CFAP20DC: variants seen among roughly 807,000 people sequenced by gnomAD.
The protein encoded by CFAP20DC is CFAP20 domain containing.
CFAP20DC carries 84 observed loss-of-function variants against 101.7 expected under a neutral mutation model. The observed-to-expected ratio is 0.83, with a 90% CI of 0.69 to 0.99. The LOEUF is 0.99. CFAP20DC is among the 50% of genes least tolerant of loss of function. The probability of loss-of-function intolerance (pLI) is 0.00; values close to 1 mark genes in which losing one functional copy is unlikely to be tolerated. For missense variants in CFAP20DC, 1,007 were observed against 970.3 expected, an observed-to-expected ratio of 1.04 and a Z score of -0.50; for synonymous variants, 359 against 351.2, an observed-to-expected ratio of 1.02 and a Z score of -0.25.
At chr3:58,816,738 T>G (rs1374471949) in intron 14 of CFAP20DC, among the ~76,000 whole-genome samples, 1 of 152,170 alleles carries the variant, frequency 6.6e-6, no homozygotes. Context: ...TGCCCAGGCT[T>G]GCTTAGGTAA....
At chr3:58,746,540 G>C (rs554068358) in intron 16 of CFAP20DC, among the ~76,000 whole-genome samples, 2 of 152,284 alleles carry the variant, frequency 1.3e-5, no homozygotes, top group Non-Finnish European at 2.9e-5. Context: ...TCACCCATTT[G>C]CAAAGGGATC....
At chr3:58,798,012 C>T (rs2073385790) in intron 15 of CFAP20DC, among the ~76,000 whole-genome samples, 1 of 152,176 alleles carries the variant, frequency 6.6e-6, no homozygotes, top group Non-Finnish European at 1.5e-5. Context: ...ATTGGCAATG[C>T]ACCTGGTCAC....
intron 7 of CFAP20DC, among the ~76,000 whole-genome samples, chr3:58,876,147 A>G (rs945644169): frequency 3.9e-5 from 6 of 152,194 alleles, no homozygotes; most frequent in Non-Finnish European, 8.8e-5. Context: ...ACTATTTAGT[A>G]TCTCTTTAAT....
intron 3 of CFAP20DC, chr3:58,727,041 G>A: frequency 4.0e-6 from 1 of 249,778 alleles, no homozygotes; most frequent in Non-Finnish European, 7.9e-6. Flanking sequence ...GAAAAGATGA[G>A]AAGGACCCAT....
rs554058569 is a variant in CFAP20DC, at chr3:58,961,001, A to C, written c.279-23239T>G. On this transcript the variant is annotated intron_variant, in intron 4 of 16. Transcript: ENST00000482387. ...TTTATCTGTCCCTATTATGGTGATTATGTGTTTCTTGTTCTTCATTCTACT... is the reference window on the plus strand; with the variant it reads ...TTTATCTGTCCCTATTATGGTGATTCTGTGTTTCTTGTTCTTCATTCTACT... Among the ~76,000 whole-genome samples the C allele has an allele frequency of 8.7e-4, 133 of 152,212 alleles. 1 individual carries two copies. Among genetic ancestry groups the C allele is most frequent in the African/African-American group, 3.0e-3 (126 of 41,526 alleles).
At position 58,807,727 on chromosome 3, in the gene CFAP20DC, G is replaced by A. The variant is rs551257805; in HGVS notation, c.2176-1271C>T. The stretch of plus-strand genomic sequence containing the variant: ...AAGCTGGATGGAGAATGACTTTGAC[G>A]AGTTGCGAGAAGAAGGCTTCAGATG... On this transcript the variant is annotated intron_variant, in intron 14 of 16. Transcript: ENST00000482387. Among the ~76,000 whole-genome samples, 38 of 152,348 alleles carry A rather than the reference G, an allele frequency of 2.5e-4. 1 individual carries two copies. In the East Asian group the frequency reaches 4.1e-3, roughly 16 times the overall value.
intron 14 of CFAP20DC, among the ~76,000 whole-genome samples, chr3:58,818,310 T>C (rs1399898842): frequency 6.7e-6 from 1 of 148,314 alleles, no homozygotes; most frequent in African/African-American, 2.5e-5. Flanking sequence ...TAAATGTAAA[T>C]GGACTAAATG....
chr3:58,915,800 C>T (rs766974088), intron 5 of CFAP20DC, among the ~76,000 whole-genome samples: 1 of 152,098 alleles, frequency 6.6e-6, no homozygotes, highest in Non-Finnish European at 1.5e-5. Context: ...TCACCCTACC[C>T]CTCATCTAAT....
chr3:58,825,861 C>T (rs1167281686), intron 14 of CFAP20DC, among the ~76,000 whole-genome samples: 1 of 152,166 alleles, frequency 6.6e-6, no homozygotes, highest in East Asian at 1.9e-4. Context: ...GAGATGCCTA[C>T]AAAAGCCAAT....
At chr3:59,008,910 T>C (rs2093511019) in intron 4 of CFAP20DC, among the ~76,000 whole-genome samples, 1 of 151,474 alleles carries the variant, frequency 6.6e-6, no homozygotes, top group East Asian at 1.9e-4. Flanking sequence ...AAATAAAGTG[T>C]ACACCATGAG....
At position 58,863,632 on chromosome 3, in the gene CFAP20DC, T is replaced by C. The variant is rs144152554; in HGVS notation, c.1519A>G (p.Lys507Glu). Residue 507 changes from lysine (K) to glutamate (E), a missense_variant, in exon 12 of 17, where the codon AAA becomes GAA. Lys to Glu is a moderately conservative substitution (Grantham distance 56). Transcript: ENST00000482387. The surrounding 1 kb of genome is among the most constrained non-coding windows in gnomAD (Gnocchi z 5.9). The part of the protein sequence containing the change: ...PEELSFILDL[K>E]EDNSVTSRDT... ...CTGCTTGTCACACTGTTATCCTCTT[T>C]TAGATCCAAAATAAATGAGAGCTCC... 9.3e-6 allele frequency: 15 copies of C among 1,614,028 alleles called. No homozygotes were observed. In the African/African-American group the frequency reaches 1.9e-4, roughly 20 times the overall value.
chr3:58,780,848 C>T lies in CFAP20DC; in HGVS notation c.2237+25547G>A, dbSNP rs1205538452. 2.0e-5 allele frequency among the ~76,000 whole-genome samples: 3 copies of T among 152,028 alleles called. No homozygotes were observed. In the East Asian group the frequency reaches 5.8e-4, roughly 29 times the overall value. ...ATATAATAATAGCTGGGAATTTCAA[C>T]ACCCCACTCCCAGCATTAGTCAGAT... On this transcript the variant is annotated intron_variant, in intron 15 of 16. Coordinates refer to ENST00000482387, the MANE Select transcript of CFAP20DC (RefSeq NM_001394063.1).
intron 4 of CFAP20DC, among the ~76,000 whole-genome samples, chr3:58,967,515 T>G (rs973973335): frequency 2.6e-5 from 4 of 152,076 alleles, no homozygotes; most frequent in African/African-American, 9.7e-5. Flanking sequence ...AAACTAGACT[T>G]CATAAAAATT....
intron 4 of CFAP20DC, among the ~76,000 whole-genome samples, chr3:58,955,478 C>T (rs894087332): frequency 6.6e-6 from 1 of 152,066 alleles, no homozygotes; most frequent in African/African-American, 2.4e-5. Flanking sequence ...AAAACCAGAC[C>T]AAACTCAGCT....
rs1478966109 is a variant in CFAP20DC at position 58,954,133 on chromosome 3, AC to A, written c.279-16372del. ...TTGCAAACCACTTGAAAGTAAAATT[AC>A]TTTTCAATTCAATTTTCAATTTGCT... is the stretch of plus-strand genomic sequence containing the variant. On this transcript the variant is annotated intron_variant, in intron 4 of 16. Transcript: ENST00000482387. Among the ~76,000 whole-genome samples, 8 of 152,294 alleles carry A rather than the reference AC, an allele frequency of 5.3e-5. No homozygotes were observed. The East Asian group carries it at 1.5e-3, about 29-fold the overall frequency.
intron 4 of CFAP20DC, among the ~76,000 whole-genome samples, chr3:58,981,521 G>A (rs2092544690): frequency 6.6e-6 from 1 of 151,950 alleles, no homozygotes; most frequent in Non-Finnish European, 1.5e-5. Context: ...ATAGATCAAC[G>A]GAACAGAACA....
intron 4 of CFAP20DC, 56 bp from the exon 5 acceptor site, chr3:58,937,818 C>G: frequency 2.2e-6 from 2 of 926,538 alleles, no homozygotes; most frequent in South Asian, 1.4e-5. Context: ...ATAACCACTT[C>G]TTTGGATAAT....
intron 15 of CFAP20DC, among the ~76,000 whole-genome samples, chr3:58,776,648 C>G (rs2107536802): frequency 6.7e-6 from 1 of 149,700 alleles, no homozygotes; most frequent in Non-Finnish European, 1.5e-5. Flanking sequence ...TCCCAGGTAT[C>G]TCGTATGTAT....
At chr3:58,723,704 G>A (rs765292848) in intron 3 of CFAP20DC, among the ~76,000 whole-genome samples, 1 of 152,158 alleles carries the variant, frequency 6.6e-6, no homozygotes, top group Non-Finnish European at 1.5e-5. Context: ...TTCTCTTTCT[G>A]GTACCAAGTT....
Sources: gnomAD v4.1 joint callset for allele counts (sites outside exome capture counted in the v4.1 genomes callset) on GRCh38, gnomAD v4.1.1 for gene constraint, Gnocchi (gnomAD v3.1) non-coding constraint, MANE v1.5 for transcripts, NCBI Gene and HGNC (gene_info 2026-07-23, HGNC 2026-07-21) for gene names.